RASAL2: variants seen among roughly 807,000 people sequenced by gnomAD.
RASAL2 encodes RAS protein activator like 2.
Under a neutral mutation model 128.9 loss-of-function variants are expected in RASAL2, and 58 were observed. The ratio of observed to expected loss-of-function variants is 0.45; its 90% CI spans 0.36 to 0.56. The LOEUF is 0.56. Among genes scored for constraint, RASAL2 ranks in the 20% least tolerant of loss-of-function variants. The probability of loss-of-function intolerance (pLI) is 0.00; values close to 1 mark genes in which losing one functional copy is unlikely to be tolerated. For synonymous variants in RASAL2, 561 were observed against 580.8 expected, an observed-to-expected ratio of 0.97 and a Z score of 0.49; for missense variants, 1,360 against 1,601.6, an observed-to-expected ratio of 0.85 and a Z score of 2.57.
intron 1 of RASAL2, among the ~76,000 whole-genome samples, chr1:178,117,137 C>G (rs541122102): frequency 5.3e-5 from 8 of 152,262 alleles, no homozygotes; most frequent in African/African-American, 1.9e-4. Context: ...TGGAATGAGG[C>G]TATTTTGTGT....
rs1430046010 is a variant in RASAL2 at position 178,171,836 on chromosome 1, T to TA, written c.202+77143dup. On this transcript the variant is annotated intron_variant, in intron 1 of 17. Transcript: ENST00000367649. Reference sequence around the variant, plus strand: ...AACCATCTCTACAAATTTGCCTTCTTACTTGGGTCTGTCATTCAAGTATTT... The same window carrying TA: ...AACCATCTCTACAAATTTGCCTTCTTAACTTGGGTCTGTCATTCAAGTATTT... Among the ~76,000 whole-genome samples the TA allele has an allele frequency of 2.6e-5, 4 of 152,120 alleles. No individual in the cohort carries two copies. In the East Asian group the frequency reaches 7.7e-4, roughly 29 times the overall value.
At chr1:178,256,275 A>C (rs1052902879) in intron 1 of RASAL2, among the ~76,000 whole-genome samples, 2 of 152,210 alleles carry the variant, frequency 1.3e-5, no homozygotes, top group African/African-American at 4.8e-5. Context: ...TCCAATAAAC[A>C]CAGAAAGAGC....
At chr1:178,457,404 T>TA (rs1677851306) in intron 13 of RASAL2, among the ~76,000 whole-genome samples, 1 of 152,234 alleles carries the variant, frequency 6.6e-6, no homozygotes, top group Non-Finnish European at 1.5e-5. Flanking sequence ...GGGGAAGGTT[T>TA]AAAACCTAAC....
intron 12 of RASAL2, among the ~76,000 whole-genome samples, chr1:178,456,289 T>G (rs1453191431): frequency 4.6e-5 from 7 of 152,208 alleles, no homozygotes; most frequent in Non-Finnish European, 8.8e-5. Flanking sequence ...TGAAAGTTTA[T>G]CATACTAGTT....
rs558799638 is a variant in RASAL2 at position 178,464,405 on chromosome 1, C to T, written c.3380C>T (p.Ala1127Val). 5 of 1,613,532 alleles carry T rather than the reference C, an allele frequency of 3.1e-6. No individual in the cohort carries two copies. The Admixed American group carries it at 6.7e-5, about 22-fold the overall frequency. ...TEQNLDEAKH[A>V]EKYEQEITKL... ...CAAAATCTAGATGAAGCCAAGCATG[C>T]TGAGAAGGTAGAACCTAGTCTGCTT... Residue 1127 changes from alanine (A) to valine (V), a missense_variant, in exon 15 of 18, where the codon GCT (alanine) becomes GTT (valine). Ala to Val is a moderately conservative substitution (Grantham distance 64). Around this residue, in one of 3 missense-constraint regions of RASAL2, gnomAD observed 741 missense variants for 868.6 expected, o/e 0.85. Coordinates refer to ENST00000367649, the MANE Select transcript of RASAL2 (RefSeq NM_170692.4).
intron 1 of RASAL2, among the ~76,000 whole-genome samples, chr1:178,250,564 C>G (rs1665000907): frequency 6.6e-6 from 1 of 152,144 alleles, no homozygotes; most frequent in Admixed American, 6.5e-5. Flanking sequence ...GCTTTAGCTG[C>G]CTTTCCAGGA....
At chr1:178,286,887 C>T (rs945663135) in intron 2 of RASAL2, among the ~76,000 whole-genome samples, 3 of 152,162 alleles carry the variant, frequency 2.0e-5, no homozygotes, top group Non-Finnish European at 2.9e-5. Flanking sequence ...CTAAGGATCC[C>T]ACCTTATTGC....
At chr1:178,148,984 C>T (rs928577824) in intron 1 of RASAL2, among the ~76,000 whole-genome samples, 8 of 152,176 alleles carry the variant, frequency 5.3e-5, no homozygotes, top group Non-Finnish European at 7.3e-5. Flanking sequence ...TTCTCATTCT[C>T]TCTCTTTCTT....
At chr1:178,357,232 G>A (rs553822765) in intron 3 of RASAL2, among the ~76,000 whole-genome samples, 14 of 151,522 alleles carry the variant, frequency 9.2e-5, no homozygotes, top group Admixed American at 2.0e-4. Context: ...GTAATTTCTC[G>A]CTTTTGTGTC....
chr1:178,221,038 C>T (rs1409866430), intron 1 of RASAL2, among the ~76,000 whole-genome samples: 1 of 152,162 alleles, frequency 6.6e-6, no homozygotes, highest in Non-Finnish European at 1.5e-5. Flanking sequence ...GTGTTCCCAC[C>T]AGCAGTGCAT....
At chr1:178,173,448 G>A (rs1661773212) in intron 1 of RASAL2, among the ~76,000 whole-genome samples, 2 of 152,134 alleles carry the variant, frequency 1.3e-5, no homozygotes, top group African/African-American at 2.4e-5. Context: ...TTGGTGGAAA[G>A]TGTGTATACC....
chr1:178,148,589 C>T (rs1660807666), intron 1 of RASAL2, among the ~76,000 whole-genome samples: 1 of 152,004 alleles, frequency 6.6e-6, no homozygotes, highest in Non-Finnish European at 1.5e-5. Flanking sequence ...ACTGGGACTA[C>T]AGGTGTGCAC....
chr1:178,307,091 G>T (rs1571825949), intron 3 of RASAL2, among the ~76,000 whole-genome samples: 2 of 151,490 alleles, frequency 1.3e-5, no homozygotes, highest in East Asian at 3.9e-4. Context: ...AACAGCATGT[G>T]CAGTCTAATC....
chr1:178,326,086 G>A (rs1297918182), intron 3 of RASAL2, among the ~76,000 whole-genome samples: 1 of 152,106 alleles, frequency 6.6e-6, no homozygotes, highest in Non-Finnish European at 1.5e-5. Flanking sequence ...CTGCACTCCA[G>A]CCTGGGTGAC....
chr1:178,157,266 A>T (rs1337382547), intron 1 of RASAL2, among the ~76,000 whole-genome samples: 2 of 152,148 alleles, frequency 1.3e-5, no homozygotes, highest in Admixed American at 1.3e-4. Context: ...GCAGTGGTCT[A>T]AGTATTTTTA....
intron 3 of RASAL2, among the ~76,000 whole-genome samples, chr1:178,345,487 A>G (rs1236879964): frequency 6.6e-6 from 1 of 152,144 alleles, no homozygotes; most frequent in Non-Finnish European, 1.5e-5. Context: ...AAAATGTTGT[A>G]ACAGCACTGT....
chr1:178,277,625 A>G (rs1324979427), intron 1 of RASAL2, among the ~76,000 whole-genome samples: 1 of 152,212 alleles, frequency 6.6e-6, no homozygotes, highest in Non-Finnish European at 1.5e-5. Context: ...TGGAAATGAA[A>G]ATGTATGTAT....
At chr1:178,126,750 A>G (rs1659916654) in intron 1 of RASAL2, among the ~76,000 whole-genome samples, 1 of 152,178 alleles carries the variant, frequency 6.6e-6, no homozygotes, top group Admixed American at 6.5e-5. Flanking sequence ...GGGAGTGGAA[A>G]GATAAGAAGG....
intron 1 of RASAL2, among the ~76,000 whole-genome samples, chr1:178,160,100 G>A (rs1661227288): frequency 6.6e-6 from 1 of 150,552 alleles, no homozygotes; most frequent in South Asian, 2.1e-4. Flanking sequence ...TGCACAACGT[G>A]CAGGTTTGTT....
Sources: allele counts gnomAD v4.1 joint callset (sites outside exome capture counted in the v4.1 genomes callset), GRCh38; gene constraint gnomAD v4.1.1; regional missense constraint gnomAD v4.1.1; transcripts MANE v1.5; gene names NCBI Gene and HGNC (gene_info 2026-07-23, HGNC 2026-07-21).